Variants in IL24 observed in about 807,000 individuals in gnomAD.
The protein encoded by IL24 is interleukin-24.
Under a neutral mutation model 27.6 loss-of-function variants are expected in IL24, and 24 were observed. The observed-to-expected ratio is 0.87, with a 90% CI of 0.63 to 1.22. The LOEUF is 1.22. IL24 is among the 50% of genes most tolerant of loss of function. IL24 has a pLI of 0.00. For synonymous variants in IL24, 99 were observed against 93.1 expected (o/e 1.06, Z -0.36); for missense variants, 240 against 237.0 (o/e 1.01, Z -0.08).
At chr1:206,902,282 G>T (rs1324492438) in intron 6 of IL24, 5 of 985,360 alleles carry the variant, frequency 5.1e-6, no homozygotes, top group Non-Finnish European at 6.0e-6. Context: ...TCAAGTTAAA[G>T]TGCTTCTATA....
rs1678295187 is a variant in IL24, at chr1:206,899,514, T to C, written c.239T>C (p.Met80Thr). The change falls in exon 3 of 7, where the codon ATG (methionine) becomes ACG (threonine). Residue 80 changes from methionine to threonine, a missense_variant and splice_region_variant. Physicochemically the swap from Met to Thr is moderately conservative, Grantham distance 81. Transcript: ENST00000294984. ...WEAFWAVKDT[M>T]QAQDNITSAR... ...GCCTTCTGGGCTGTGAAAGACACTATGGTGAGTAAAGTGCTGTTCTGGACC... is the reference window on the plus strand; with the variant it reads ...GCCTTCTGGGCTGTGAAAGACACTACGGTGAGTAAAGTGCTGTTCTGGACC... 3 of 1,593,628 alleles carry C rather than the reference T, an allele frequency of 1.9e-6. No homozygotes were observed. The highest frequency in any genetic ancestry group is 2.6e-6 in the Non-Finnish European group (3 of 1,170,474).
chr1:206,897,528 A>C lies in IL24; in HGVS notation c.-190A>C. The C allele has an allele frequency of 4.4e-6, 1 of 228,942 alleles. No homozygotes were observed. The allele number at this position is 228,942 out of a possible 1,614,324, so 14.2% of individuals were successfully genotyped here. ...CCACAGCTATGCCTCTGATTGGTGA[A>C]TGGTGAAGGTGCCTGTCTAACTTTT... On this transcript the variant is annotated 5_prime_UTR_variant, in exon 1 of 7. The change abolishes an upstream ATG in the 5' untranslated region. Coordinates refer to ENST00000294984, the MANE Select transcript of IL24 (RefSeq NM_006850.3).
Position 206,901,498 on chromosome 1 carries a change from C to T in IL24, c.308C>T (p.Ala103Val). The T allele has an allele frequency of 1.9e-6, 3 of 1,611,142 alleles. No homozygotes were observed. Among genetic ancestry groups the T allele is most frequent in the Non-Finnish European group, 2.5e-6 (3 of 1,178,260 alleles). The change falls in exon 5 of 7, where the codon GCT (alanine) becomes GTT (valine). Residue 103 changes from alanine to valine, a missense_variant. Transcript: ENST00000294984. ...AGTGACCCAGACCTTCCCCAGGATG[C>T]TGAGAGCTGTTACCTTGTCCACACC... is the stretch of plus-strand genomic sequence containing the variant. ...QQEVLQNVSD[A>V]ESCYLVHTLL...
Position 206,903,134 on chromosome 1 carries a change from T to G in IL24, c.*75T>G. 1 of 1,238,940 alleles carries G rather than the reference T, an allele frequency of 8.1e-7. No homozygotes were observed. The highest frequency in any genetic ancestry group is 1.2e-6 in the Non-Finnish European group (1 of 838,760). The allele number at this position is 1,238,940 out of a possible 1,614,324, so 76.7% of individuals were successfully genotyped here. On this transcript the variant is annotated 3_prime_UTR_variant, in exon 7 of 7. Coordinates refer to ENST00000294984, the MANE Select transcript of IL24 (RefSeq NM_006850.3). ...TCATTTCAAACAGTCTCCCTTCCTA[T>G]GCTGTTCACTGGACACTTCACGCCC...
chr1:206,902,467 C>G (rs559397603), intron 6 of IL24: 1 of 970,044 alleles, frequency 1.0e-6, no homozygotes, highest in African/African-American at 1.9e-5. Flanking sequence ...TTGTGAAAAA[C>G]AATTATGGGA....
chr1:206,900,703 T>G (rs1266726439), intron 4 of IL24, among the ~76,000 whole-genome samples: 1 of 152,088 alleles, frequency 6.6e-6, no homozygotes, highest in Admixed American at 6.5e-5. Context: ...GGGTCCTTTT[T>G]CCTGGGTCCT....
At position 206,903,182 on chromosome 1, in the gene IL24, G is replaced by A. The variant is rs138191034; in HGVS notation, c.*123G>A. 1.2e-3 allele frequency: 945 copies of A among 806,270 alleles called. 9 individuals carry two copies. In the African/African-American group the frequency reaches 0.014, roughly 12 times the overall value. 49.9% of individuals were successfully genotyped at this position (806,270 alleles called of 1,614,324 possible). A position where few individuals can be genotyped will look rare whatever the true frequency, so the allele number is the denominator to read the frequency against. ...CCCTTGGCCATGGGTCCCATTCTTG[G>A]CCCAGGATTATTGTCAAAGAAGTCA... On this transcript the variant is annotated 3_prime_UTR_variant, in exon 7 of 7. Coordinates refer to ENST00000294984, the MANE Select transcript of IL24 (RefSeq NM_006850.3).
intron 6 of IL24, 151 bp downstream of exon 6, chr1:206,902,223 T>G: frequency 7.2e-7 from 1 of 1,394,286 alleles, no homozygotes; most frequent in Non-Finnish European, 9.3e-7. Context: ...GGAGCACAGT[T>G]ATATTTGCAG....
chr1:206,900,182 G>C (rs1473789630), intron 3 of IL24, 113 bp from the exon 4 acceptor site: 2 of 986,498 alleles, frequency 2.0e-6, no homozygotes, highest in Non-Finnish European at 3.2e-6. Flanking sequence ...TCTGGCCTTT[G>C]AGATCTCACA....
rs765179656 is a variant in IL24, at chr1:206,902,982, G to T, written c.544G>T (p.Val182Leu). 1 of 1,614,118 alleles carries T rather than the reference G, an allele frequency of 6.2e-7. No individual in the cohort carries two copies. The highest frequency in any genetic ancestry group is 1.1e-5 in the South Asian group (1 of 91,072). ...AACCCTCTTTTCCCTTTAGTTGGAC[G>T]TAGAAGCAGCTCTGACCAAAGCCCT... The part of the protein sequence containing the change: ...LFRRAFKQLD[V>L]EAALTKALGE... Residue 182 changes from valine (V) to leucine (L), a missense_variant, in exon 7 of 7, where the codon GTA becomes TTA. Physicochemically the swap from Val to Leu is conservative, Grantham distance 32 (BLOSUM62 1). Coordinates refer to ENST00000294984, the MANE Select transcript of IL24 (RefSeq NM_006850.3).
intron 2 of IL24, 63 bp downstream of exon 2, chr1:206,897,939 G>C: frequency 2.7e-6 from 3 of 1,108,730 alleles, no homozygotes; most frequent in Non-Finnish European, 4.0e-6. Context: ...GATCATTTAA[G>C]GTCAGGAGTT....
In IL24 at chr1:206,897,647, T is replaced by C. The variant is rs577857519; in HGVS notation, c.-103+32T>C. On this transcript the variant is annotated intron_variant, in intron 1 of 6. Coordinates refer to ENST00000294984, the MANE Select transcript of IL24 (RefSeq NM_006850.3). The stretch of plus-strand genomic sequence containing the variant: ...ATGGGGGATTCTTGGTTACTTTTTT[T>C]TGAAGGACTAGACCTCTGCTTTATT... The C allele has an allele frequency of 1.0e-5, 5 of 476,882 alleles. No individual in the cohort carries two copies. The East Asian group carries it at 1.8e-4, about 17-fold the overall frequency. 29.5% of individuals were successfully genotyped at this position (476,882 alleles called of 1,614,324 possible).
Position 206,903,042 on chromosome 1 carries a change from A to T in IL24, c.604A>T (p.Lys202Ter). 1 of 1,614,100 alleles carries T rather than the reference A, an allele frequency of 6.2e-7. No individual in the cohort carries two copies. Among genetic ancestry groups the T allele is most frequent in the Non-Finnish European group, 8.5e-7 (1 of 1,179,938 alleles). Residue 202 changes from lysine (K) to a stop codon, truncating the protein, a stop_gained, in exon 7 of 7, where the codon AAA becomes TAA. Coordinates refer to ENST00000294984, the MANE Select transcript of IL24 (RefSeq NM_006850.3). LOFTEE classifies it high-confidence loss of function. ...EVDILLTWMQ[K>*]FYKL ...GGACATTCTTCTGACCTGGATGCAG[A>T]AATTCTACAAGCTCTGAATGTCTAG...
At chr1:206,902,498 A>T (rs1678430513) in intron 6 of IL24, 1 of 984,788 alleles carries the variant, frequency 1.0e-6, no homozygotes, top group Admixed American at 6.2e-5. Context: ...GCTTTTCCAA[A>T]ATTATGACAA....
rs535420044 is a variant in IL24, at chr1:206,897,542, T to C, written c.-176T>C. 27 of 261,962 alleles carry C rather than the reference T, an allele frequency of 1.0e-4. No individual in the cohort carries two copies. The highest frequency in any genetic ancestry group is 6.1e-4 in the African/African-American group (27 of 44,472). The allele number at this position is 261,962 out of a possible 1,614,324, so 16.2% of individuals were successfully genotyped here. ...CTGATTGGTGAATGGTGAAGGTGCC[T>C]GTCTAACTTTTCTGTAAAAAGAACC... On this transcript the variant is annotated 5_prime_UTR_variant, in exon 1 of 7. Transcript: ENST00000294984.
chr1:206,901,457 G>A lies in IL24; in HGVS notation c.304-37G>A, dbSNP rs570151506. 3.8e-6 allele frequency: 6 copies of A among 1,583,874 alleles called. No homozygotes were observed. In the African/African-American group the frequency reaches 8.1e-5, roughly 21 times the overall value. On this transcript the variant is annotated intron_variant, in intron 4 of 6. Coordinates refer to ENST00000294984, the MANE Select transcript of IL24 (RefSeq NM_006850.3). ...TTCCTTCAGGGGGTCAGGGTGGGCA[G>A]AGGCCTTGGCTCAGCAGTGACCCAG...
At position 206,901,701 on chromosome 1, in the gene IL24, G is replaced by A. The variant is rs185465005; in HGVS notation, c.462+49G>A. ...CTGGCAGCTCTGGGTTCAAGTCTAG[G>A]TCTGCTTCCAATCTGCTGGGTGACC... On this transcript the variant is annotated intron_variant, in intron 5 of 6. Coordinates refer to ENST00000294984, the MANE Select transcript of IL24 (RefSeq NM_006850.3). 5.9e-6 allele frequency: 9 copies of A among 1,522,808 alleles called. No individual in the cohort carries two copies. The East Asian group carries it at 2.0e-4, about 34-fold the overall frequency. 94.3% of individuals were successfully genotyped at this position (1,522,808 alleles called of 1,614,324 possible).
At chr1:206,902,952 C>T (rs769251968) in intron 6 of IL24, 24 bp from the exon 7 acceptor site, 2 of 1,614,118 alleles carry the variant, frequency 1.2e-6, no homozygotes, top group South Asian at 2.2e-5. Flanking sequence ...ACATGGCTGA[C>T]CTTCAACCCT....
At position 206,901,662 on chromosome 1, in the gene IL24, A is replaced by G. The variant is rs756659803; in HGVS notation, c.462+10A>G. 2 of 1,611,014 alleles carry G rather than the reference A, an allele frequency of 1.2e-6. No homozygotes were observed. Among genetic ancestry groups the G allele is most frequent in the Non-Finnish European group, 1.7e-6 (2 of 1,177,918 alleles). On this transcript the variant is annotated intron_variant, in intron 5 of 6. Coordinates refer to ENST00000294984, the MANE Select transcript of IL24 (RefSeq NM_006850.3). ...ACAACTGCAACCCAGTGTGAGTAGC[A>G]CACGCTCTGGATACTGGCAGCTCTG...
Sources: gnomAD v4.1 joint callset for allele counts (sites outside exome capture counted in the v4.1 genomes callset) on GRCh38, gnomAD v4.1.1 for gene constraint, MANE v1.5 for transcripts, NCBI Gene and HGNC (gene_info 2026-07-23, HGNC 2026-07-21) for gene names.